The following RBBP8 variants were observed in gnomAD, a reference collection of about 807,000 sequenced individuals.
RBBP8 encodes the protein DNA endonuclease RBBP8.
In RBBP8, 88 loss-of-function variants were observed where a neutral mutation model predicts 108.3. That is an observed-to-expected ratio of 0.81 (90% CI 0.68 to 0.97). RBBP8 has a LOEUF of 0.97. Among genes scored for constraint, RBBP8 ranks in the 50% least tolerant of loss-of-function variants. RBBP8 has a pLI of 0.00. For missense variants in RBBP8, 1,023 were observed against 1,049.0 expected (o/e 0.98, Z 0.34); for synonymous variants, 332 against 348.2 (o/e 0.95, Z 0.52).
chr18:22,983,956 G>C (rs190687826), intron 7 of RBBP8, among the ~76,000 whole-genome samples: 3 of 152,038 alleles, frequency 2.0e-5, no homozygotes, highest in African/African-American at 7.2e-5. Context: ...TGGCACACGC[G>C]TGCAGTCCCA....
intron 4 of RBBP8, among the ~76,000 whole-genome samples, chr18:22,965,020 A>AG (rs1321732292): frequency 2.0e-5 from 3 of 152,084 alleles, no homozygotes; most frequent in Non-Finnish European, 4.4e-5. Flanking sequence ...TTTAACAGTG[A>AG]GGGGGAAAAA....
intron 5 of RBBP8, among the ~76,000 whole-genome samples, chr18:22,969,350 C>T (rs1468291245): frequency 1.3e-5 from 2 of 151,958 alleles, no homozygotes; most frequent in African/African-American, 4.8e-5. Flanking sequence ...TCAGTTTATT[C>T]TCCTTACCTA....
At chr18:22,967,624 A>G (rs1357417599) in intron 4 of RBBP8, among the ~76,000 whole-genome samples, 1 of 151,698 alleles carries the variant, frequency 6.6e-6, no homozygotes, top group Non-Finnish European at 1.5e-5. Flanking sequence ...AGTCACAAAT[A>G]ATTAGTAAAA....
intron 2 of RBBP8, among the ~76,000 whole-genome samples, chr18:22,938,421 C>G (rs1341202105): frequency 9.2e-5 from 14 of 152,132 alleles, no homozygotes; most frequent in Non-Finnish European, 1.8e-4. Flanking sequence ...CTCCTGAGTT[C>G]AGGTGATCTC....
chr18:22,969,034 A>G (rs1320795733), intron 5 of RBBP8, 116 bp downstream of exon 5: 5 of 782,602 alleles, frequency 6.4e-6, no homozygotes, highest in African/African-American at 3.5e-5. Flanking sequence ...CTTATTTAGT[A>G]AAAGTTCAAA....
intron 16 of RBBP8, 68 bp downstream of exon 16, chr18:23,006,500 C>G: frequency 7.5e-7 from 1 of 1,327,712 alleles, no homozygotes; most frequent in Non-Finnish European, 1.1e-6. Flanking sequence ...TTATTTCTCT[C>G]TCTTTTTTCT....
intron 4 of RBBP8, among the ~76,000 whole-genome samples, chr18:22,963,067 G>A (rs1328402275): frequency 6.6e-6 from 1 of 151,998 alleles, no homozygotes; most frequent in Non-Finnish European, 1.5e-5. Flanking sequence ...ATTCAGAGTA[G>A]GAGATCAACA....
In RBBP8 at chr18:22,964,487, A is replaced by G. The variant is rs377699649; in HGVS notation, c.249-4319A>G. ...TCCTGCGTTTCCTTGCTTTTCCTGG[A>G]ACTCCTATTCTTTATATGATAGACC... On this transcript the variant is annotated intron_variant, in intron 4 of 18. Coordinates refer to ENST00000327155, the MANE Select transcript of RBBP8 (RefSeq NM_002894.3). 4.3e-4 allele frequency among the ~76,000 whole-genome samples: 65 copies of G among 150,292 alleles called. 4 individuals are homozygous for G. The highest frequency in any genetic ancestry group is 1.5e-3 in the African/African-American group (61 of 41,024).
chr18:22,982,361 A>G lies in RBBP8; in HGVS notation c.572A>G (p.His191Arg). 8 of 1,614,158 alleles carry G rather than the reference A, an allele frequency of 5.0e-6. No homozygotes were observed. Among genetic ancestry groups the G allele is most frequent in the Non-Finnish European group, 6.8e-6 (8 of 1,179,990 alleles). ...CATGTCCGATACATAGAACAAACAC[A>G]TACTAAATTGGAGCACTCTGTGTGT... Reference protein sequence around the residue: ...NPHVRYIEQTHTKLEHSVCAN... With the variant: ...NPHVRYIEQTRTKLEHSVCAN... Residue 191 changes from histidine to arginine, a missense_variant, in exon 7 of 19, where the codon CAT (histidine) becomes CGT (arginine). Transcript: ENST00000327155.
chr18:22,937,753 C>T (rs1910701961), intron 2 of RBBP8, among the ~76,000 whole-genome samples: 2 of 151,970 alleles, frequency 1.3e-5, no homozygotes, highest in Admixed American at 6.6e-5. Context: ...GGTGGGATTA[C>T]AGACGTGAGC....
intron 6 of RBBP8, among the ~76,000 whole-genome samples, chr18:22,975,775 A>T (rs1183920433): frequency 6.6e-6 from 1 of 152,116 alleles, no homozygotes; most frequent in Non-Finnish European, 1.5e-5. Context: ...GGGAAACCAA[A>T]GGTCACAGTC....
chr18:22,926,758 C>T (rs767092649), intron 3 of RBBP8, among the ~76,000 whole-genome samples: 6 of 152,132 alleles, frequency 3.9e-5, no homozygotes, highest in Non-Finnish European at 7.4e-5. Flanking sequence ...TGGAAATTGG[C>T]CAGGCTACAC....
chr18:22,963,474 A>G (rs56062948), intron 4 of RBBP8, among the ~76,000 whole-genome samples: 26,230 of 151,992 alleles, frequency 0.17, 3,050 homozygotes, highest in African/African-American at 0.34. Context: ...TTCAACCACA[A>G]CGTTCTATCA....
intron 15 of RBBP8, 148 bp from the exon 16 acceptor site, chr18:23,006,215 C>G: frequency 1.4e-6 from 1 of 692,738 alleles, no homozygotes; most frequent in Non-Finnish European, 2.5e-6. Context: ...TACAAAGTTG[C>G]AGAAAATTTA....
At chr18:22,994,862 A>T (rs1024057159) in intron 12 of RBBP8, among the ~76,000 whole-genome samples, 4 of 151,550 alleles carry the variant, frequency 2.6e-5, no homozygotes, top group Admixed American at 6.6e-5. Flanking sequence ...GATAGCTGGG[A>T]CTACAAGCAT....
Position 23,016,942 on chromosome 18 carries a change from T to G in RBBP8, c.2454+18T>G. 2 of 1,567,636 alleles carry G rather than the reference T, an allele frequency of 1.3e-6. No individual in the cohort carries two copies. Among genetic ancestry groups the G allele is most frequent in the Non-Finnish European group, 1.8e-6 (2 of 1,138,260 alleles). On this transcript the variant is annotated intron_variant, in intron 17 of 18. Coordinates refer to ENST00000327155, the MANE Select transcript of RBBP8 (RefSeq NM_002894.3). ...GTGAAATTGTAAGTACTAATGTAGA[T>G]ACTAATTTTTTTTTAAGTACGGCTT...
At position 22,984,873 on chromosome 18, in the gene RBBP8, T is replaced by A; in HGVS notation, c.605-13T>A. The stretch of plus-strand genomic sequence containing the variant: ...TGTTTATTGTGTAATCTCTTATTTT[T>A]TTCTCCCCTTAGAAATGAGAAAAGT... On this transcript the variant is annotated splice_polypyrimidine_tract_variant and intron_variant, in intron 7 of 18. Coordinates refer to ENST00000327155, the MANE Select transcript of RBBP8 (RefSeq NM_002894.3). 1 of 1,458,024 alleles carries A rather than the reference T, an allele frequency of 6.9e-7. No individual in the cohort carries two copies. Among genetic ancestry groups the A allele is most frequent in the Non-Finnish European group, 9.6e-7 (1 of 1,041,570 alleles). 90.3% of individuals were successfully genotyped at this position (1,458,024 alleles called of 1,614,324 possible).
rs1309041426 is a variant in RBBP8 at position 22,997,738 on chromosome 18, A to G, written c.2143+4A>G. 1.3e-6 allele frequency: 2 copies of G among 1,553,212 alleles called. No individual in the cohort carries two copies. The highest frequency in any genetic ancestry group is 1.4e-5 in the African/African-American group (1 of 72,750). On this transcript the variant is annotated splice_donor_region_variant and intron_variant, in intron 14 of 18. Transcript: ENST00000327155. ...CAGAAGGGAGAAAAAAGTTCAAGTA[A>G]GATCTGTTTTTGTTTTGTTATTTTT...
At position 23,005,466 on chromosome 18, in the gene RBBP8, G is replaced by T. The variant is rs540859994; in HGVS notation, c.2288-897G>T. 5.3e-5 allele frequency among the ~76,000 whole-genome samples: 8 copies of T among 152,122 alleles called. No individual in the cohort carries two copies. In the East Asian group the frequency reaches 1.6e-3, roughly 30 times the overall value. ...TCTTGCTCTGTTGCCAGGCTGGAGT[G>T]CAGTGGCACAATCTCAGCTCACTGC... On this transcript the variant is annotated intron_variant, in intron 15 of 18. Coordinates refer to ENST00000327155, the MANE Select transcript of RBBP8 (RefSeq NM_002894.3).
Sources: gnomAD v4.1 joint callset for allele counts (sites outside exome capture counted in the v4.1 genomes callset) on GRCh38, gnomAD v4.1.1 for gene constraint, MANE v1.5 for transcripts, NCBI Gene and HGNC (gene_info 2026-07-23, HGNC 2026-07-21) for gene names.